Variants in VRK3 observed in about 807,000 individuals in gnomAD.
VRK3 encodes serine/threonine-protein kinase VRK3.
Under a neutral mutation model 60.4 loss-of-function variants are expected in VRK3, and 50 were observed. That is an observed-to-expected ratio of 0.83 (90% confidence interval 0.66 to 1.05). The LOEUF (loss-of-function observed/expected upper bound fraction) is 1.05, where lower values mean the gene tolerates loss of function less well. VRK3 is among the 50% of genes least tolerant of loss of function. The pLI is 0.00. For missense variants in VRK3, 549 were observed against 585.3 expected, an observed-to-expected ratio of 0.94 and a Z score of 0.64; for synonymous variants, 246 against 227.8, an observed-to-expected ratio of 1.08 and a Z score of -0.72.
At chr19:49,991,537 A>ACACACACACACACACACACG (rs2076612917) in intron 10 of VRK3, among the ~76,000 whole-genome samples, 1 of 151,382 alleles carries the variant, frequency 6.6e-6, no homozygotes, top group African/African-American at 2.4e-5. Context: ...ACACACACGC[A>ACACACACACACACACACACG]CACACACACA....
At chr19:50,010,531 T>C (rs143071194) in intron 3 of VRK3, among the ~76,000 whole-genome samples, 1 of 152,356 alleles carries the variant, frequency 6.6e-6, no homozygotes, top group East Asian at 1.9e-4. Flanking sequence ...CACTTTAAGT[T>C]AAATGTTCAG....
rs2076634350 is a variant in VRK3, at chr19:49,992,845, G to A, written c.963+15C>T. The A allele has an allele frequency of 6.2e-7, 1 of 1,613,402 alleles. No homozygotes were observed. The highest frequency in any genetic ancestry group is 1.1e-5 in the South Asian group (1 of 91,072). ...GCCCAGAGATCTTCCAGAGTGGGCAGGAGCTGGCTCTTACCTGACTCTGGT... is the reference window on the plus strand; with the variant it reads ...GCCCAGAGATCTTCCAGAGTGGGCAAGAGCTGGCTCTTACCTGACTCTGGT... On this transcript the variant is annotated intron_variant, in intron 10 of 14. Transcript: ENST00000316763.
intron 2 of VRK3, among the ~76,000 whole-genome samples, chr19:50,019,883 GTTTTA>G (rs2077143596): frequency 6.7e-6 from 1 of 150,074 alleles, no homozygotes; most frequent in African/African-American, 2.5e-5. Context: ...ATCTGTGATG[GTTTTA>G]TTTATTTTGA....
chr19:50,019,700 T>TCAC (rs2077138755), intron 2 of VRK3, among the ~76,000 whole-genome samples: 1 of 128,326 alleles, frequency 7.8e-6, no homozygotes, highest in African/African-American at 3.1e-5. Flanking sequence ...TTTTTTTTTT[T>TCAC]TTTTTTTTTT....
At chr19:50,008,673 A>G (rs2076943213) in intron 4 of VRK3, 1 of 153,516 alleles carries the variant, frequency 6.5e-6, no homozygotes, top group Non-Finnish European at 1.4e-5. Context: ...TGGAGCCTAG[A>G]CTGACATGCG....
chr19:49,979,180 C>A lies in VRK3; in HGVS notation c.1339G>T (p.Ala447Ser). 6.2e-7 allele frequency: 1 copy of A among 1,614,032 alleles called. No individual in the cohort carries two copies. Among genetic ancestry groups the A allele is most frequent in the Non-Finnish European group, 8.5e-7 (1 of 1,180,002 alleles). ...GCTTCTAGGTTGTTCCTCAGCATGG[C>A]GTAGGGCGGCTTCTCCTCATACGTG... ...ALTYEEKPPY[A>S]MLRNNLEALL... Residue 447 changes from alanine (A) to serine (S), a missense_variant, in exon 14 of 15, where the codon GCC becomes TCC. Physicochemically the swap from Ala to Ser is moderately conservative, Grantham distance 99. Transcript: ENST00000316763.
intron 1 of VRK3, among the ~76,000 whole-genome samples, chr19:50,024,218 G>A (rs1307667547): frequency 1.3e-5 from 2 of 152,130 alleles, no homozygotes; most frequent in East Asian, 1.9e-4. Flanking sequence ...GACTACAGGC[G>A]GGAGCCACCG....
chr19:49,982,146 C>T (rs1455862730), intron 12 of VRK3: 1 of 703,024 alleles, frequency 1.4e-6, no homozygotes, highest in Admixed American at 2.0e-5. Flanking sequence ...TTGTTTCTGG[C>T]ATGACAAAGT....
chr19:50,011,137 C>T (rs896910821), intron 3 of VRK3, among the ~76,000 whole-genome samples: 1 of 152,102 alleles, frequency 6.6e-6, no homozygotes, highest in Non-Finnish European at 1.5e-5. Flanking sequence ...TTGTCTCCTG[C>T]ACCCCAATAA....
At chr19:49,992,615 G>C (rs538570160) in intron 10 of VRK3, among the ~76,000 whole-genome samples, 111 of 152,298 alleles carry the variant, frequency 7.3e-4, no homozygotes, top group African/African-American at 2.6e-3. Flanking sequence ...TAGTTACTAA[G>C]GAGGTTGAAT....
At chr19:50,023,087 C>A (rs56821693) in intron 1 of VRK3, among the ~76,000 whole-genome samples, 7,981 of 152,282 alleles carry the variant, frequency 0.052, 686 homozygotes, top group African/African-American at 0.18. Context: ...CGCTGTCCCC[C>A]TAAGAGTGCA....
intron 12 of VRK3, among the ~76,000 whole-genome samples, chr19:49,987,110 G>A (rs1377748935): frequency 1.3e-5 from 2 of 152,166 alleles, no homozygotes; most frequent in Non-Finnish European, 2.9e-5. Context: ...TGCTGACCTC[G>A]AGATCCATCT....
Position 50,007,803 on chromosome 19 carries a change from G to A in VRK3, c.313C>T (p.Pro105Ser). ...CTGGTCTTCTGAGGGCTGCTTTTGGGGGTTGGGGGTCTGCTCCCGGAGCCT... is the reference window on the plus strand; with the variant it reads ...CTGGTCTTCTGAGGGCTGCTTTTGGAGGTTGGGGGTCTGCTCCCGGAGCCT... Reference protein sequence around the residue: ...SKGSGSRPPTPKSSPQKTRKS... With the variant: ...SKGSGSRPPTSKSSPQKTRKS... Residue 105 changes from proline (P) to serine (S), a missense_variant, in exon 5 of 15, where the codon CCC becomes TCC. By Grantham distance (74) the Pro-to-Ser change is moderately conservative (BLOSUM62 -1). Transcript: ENST00000316763. 1 of 1,614,124 alleles carries A rather than the reference G, an allele frequency of 6.2e-7. No individual in the cohort carries two copies. The highest frequency in any genetic ancestry group is 2.2e-5 in the East Asian group (1 of 44,874).
At chr19:49,994,529 G>C (rs967672955) in intron 9 of VRK3, among the ~76,000 whole-genome samples, 2 of 152,166 alleles carry the variant, frequency 1.3e-5, no homozygotes, top group Non-Finnish European at 2.9e-5. Context: ...CACTCATCCT[G>C]AGAGTCTTGG....
chr19:49,993,056 C>G, intron 9 of VRK3, 104 bp from the exon 10 acceptor site: 1 of 1,038,682 alleles, frequency 9.6e-7, no homozygotes, highest in South Asian at 1.4e-5. Context: ...CTGGGGTTGT[C>G]CGACACTGTG....
At chr19:49,994,709 C>G (rs570442587) in intron 9 of VRK3, 105 bp downstream of exon 9, 3 of 1,020,260 alleles carry the variant, frequency 2.9e-6, no homozygotes, top group Non-Finnish European at 4.3e-6. Flanking sequence ...CAGTGTGCAG[C>G]GGAGGGGGGT....
intron 2 of VRK3, among the ~76,000 whole-genome samples, chr19:50,016,758 T>C (rs2077085157): frequency 1.3e-5 from 2 of 152,228 alleles, no homozygotes; most frequent in Non-Finnish European, 2.9e-5. Flanking sequence ...CCAAATTACA[T>C]ACTGAGACTA....
intron 2 of VRK3, among the ~76,000 whole-genome samples, chr19:50,019,767 C>G (rs75805849): frequency 0.057 from 7,865 of 137,772 alleles, 696 homozygotes; most frequent in African/African-American, 0.2. Context: ...AACTGCTGAG[C>G]TCAAGCTCAA....
intron 10 of VRK3, 27 bp downstream of exon 10, chr19:49,992,833 C>A: frequency 6.2e-7 from 1 of 1,607,744 alleles, no homozygotes; most frequent in Non-Finnish European, 8.5e-7. Flanking sequence ...CAGAGATCTT[C>A]CAGAGTGGGC....
Sources: allele counts gnomAD v4.1 joint callset (sites outside exome capture counted in the v4.1 genomes callset), GRCh38; gene constraint gnomAD v4.1.1; transcripts MANE v1.5; gene names NCBI Gene and HGNC (gene_info 2026-07-23, HGNC 2026-07-21).